Variants in PSMD1 observed in about 807,000 individuals in gnomAD.
The protein encoded by PSMD1 is proteasome 26S subunit, non-ATPase 1, also known as 26S proteasome non-ATPase regulatory subunit 1.
PSMD1 carries 18 observed loss-of-function variants against 119.0 expected under a neutral mutation model. The ratio of observed to expected loss-of-function variants is 0.15; its 90% CI spans 0.10 to 0.22. The LOEUF is 0.22. Ranked by LOEUF, PSMD1 falls within the 10% of genes least tolerant of loss-of-function variation. The pLI is 1.00. For synonymous variants in PSMD1, 374 were observed against 396.6 expected (o/e 0.94, Z 0.68); for missense variants, 702 against 1,158.5 (o/e 0.61, Z 5.72).
intron 16 of PSMD1, among the ~76,000 whole-genome samples, chr2:231,088,617 A>G (rs1158364567): frequency 2.0e-5 from 3 of 152,160 alleles, no homozygotes; most frequent in Non-Finnish European, 4.4e-5. Context: ...CACCCATGTA[A>G]AACAGCAAAC....
chr2:231,165,961 G>A lies in PSMD1; in HGVS notation c.2659G>A (p.Ala887Thr), dbSNP rs1376612679. The A allele has an allele frequency of 6.2e-7, 1 of 1,613,908 alleles. No individual in the cohort carries two copies. The highest frequency in any genetic ancestry group is 2.2e-5 in the East Asian group (1 of 44,890). The change falls in exon 23 of 25, where the codon GCC becomes ACC. Residue 887 changes from alanine to threonine, a missense_variant. By Grantham distance (58) the Ala-to-Thr change is moderately conservative. Transcript: ENST00000308696. ...LLDNPARVMP[A>T]QLKVLTMPET... The stretch of plus-strand genomic sequence containing the variant: ...GGATAACCCAGCCCGAGTTATGCCT[G>A]CCCAGCTTAAGGTCCTAACCATGCC...
At position 231,062,237 on chromosome 2, in the gene PSMD1, A is replaced by G. The variant is rs367961865; in HGVS notation, c.61-11A>G. 3 of 1,602,746 alleles carry G rather than the reference A, an allele frequency of 1.9e-6. No homozygotes were observed. The highest frequency in any genetic ancestry group is 2.6e-6 in the Non-Finnish European group (3 of 1,170,858). ...TCTATCTCAAAATAGGATTTTGGTT[A>G]TCTTTTACAGGAATTTGCACTACAC... On this transcript the variant is annotated splice_polypyrimidine_tract_variant and intron_variant, in intron 2 of 24. Transcript: ENST00000308696.
intron 16 of PSMD1, among the ~76,000 whole-genome samples, chr2:231,104,059 A>G (rs1694927049): frequency 6.6e-6 from 1 of 151,600 alleles, no homozygotes; most frequent in African/African-American, 2.4e-5. Context: ...TGTGTAAAGC[A>G]TCCTACTCAT....
At chr2:231,163,474 TA>T in intron 20 of PSMD1, 160 bp from the exon 21 acceptor site, 2 of 545,396 alleles carry the variant, frequency 3.7e-6, no homozygotes, top group South Asian at 6.1e-5. Context: ...GTAAAGAACC[TA>T]AAAACTAAAT....
chr2:231,066,967 A>T lies in PSMD1; in HGVS notation c.366A>T (p.Glu122Asp). ...CVENADLPEG[E>D]KKPIDQRLEG... ...AAAATGCAGATTTGCCTGAAGGAGA[A>T]AAAAAACCAATTGACCAGAGATTGG... The change falls in exon 5 of 25, where the codon GAA becomes GAT. Residue 122 changes from glutamate to aspartate, a missense_variant. Glu to Asp is a conservative substitution (Grantham distance 45, BLOSUM62 2). Coordinates refer to ENST00000308696, the MANE Select transcript of PSMD1 (RefSeq NM_002807.4). The T allele has an allele frequency of 1.2e-6, 2 of 1,613,382 alleles. No homozygotes were observed. Among genetic ancestry groups the T allele is most frequent in the South Asian group, 2.2e-5 (2 of 90,890 alleles).
At chr2:231,138,944 G>A (rs1320047924) in intron 17 of PSMD1, 94 bp downstream of exon 17, 2 of 909,960 alleles carry the variant, frequency 2.2e-6, no homozygotes, top group African/African-American at 3.3e-5. Context: ...AAATACAAGT[G>A]CAATGTGATC....
At chr2:231,077,974 TAAAC>T (rs1292422089) in intron 9 of PSMD1, among the ~76,000 whole-genome samples, 1 of 152,136 alleles carries the variant, frequency 6.6e-6, no homozygotes, top group African/African-American at 2.4e-5. Context: ...TCATTAAAAA[TAAAC>T]AAAATTTGAC....
intron 5 of PSMD1, among the ~76,000 whole-genome samples, chr2:231,068,006 G>T (rs1693947864): frequency 6.6e-6 from 1 of 152,038 alleles, no homozygotes; most frequent in Non-Finnish European, 1.5e-5. Context: ...CCAAAACTTA[G>T]CTCAACTATC....
At chr2:231,066,876 A>G in intron 4 of PSMD1, 30 bp from the exon 5 acceptor site, 3 of 1,528,616 alleles carry the variant, frequency 2.0e-6, no homozygotes, top group Non-Finnish European at 2.6e-6. Flanking sequence ...CCAATTTACA[A>G]GATAATCAGT....
intron 24 of PSMD1, among the ~76,000 whole-genome samples, chr2:231,171,166 C>T (rs984035649): frequency 6.6e-6 from 1 of 152,208 alleles, no homozygotes; most frequent in African/African-American, 2.4e-5. Context: ...TTTTGAGTAG[C>T]ACAAATATAG....
chr2:231,133,580 G>A (rs1695898797), intron 16 of PSMD1: 1 of 152,150 alleles, frequency 6.6e-6, no homozygotes. Flanking sequence ...AAATTTGATT[G>A]CATAATTTAT....
intron 16 of PSMD1, chr2:231,123,427 A>C: frequency 6.2e-7 from 1 of 1,613,480 alleles, no homozygotes; most frequent in East Asian, 2.2e-5. Flanking sequence ...CATTATTGTC[A>C]AGAGGGCAAT....
intron 23 of PSMD1, among the ~76,000 whole-genome samples, chr2:231,169,541 G>A (rs1040573507): frequency 2.0e-5 from 3 of 152,282 alleles, no homozygotes; most frequent in Non-Finnish European, 2.9e-5. Context: ...CGGAGTTCAC[G>A]AAGCACACCA....
chr2:231,072,822 C>T (rs1694072132), intron 7 of PSMD1, among the ~76,000 whole-genome samples: 2 of 152,104 alleles, frequency 1.3e-5, no homozygotes, highest in African/African-American at 4.8e-5. Context: ...ACACAAATTT[C>T]TATAGTATTA....
intron 16 of PSMD1, among the ~76,000 whole-genome samples, chr2:231,135,606 C>A (rs1375609662): frequency 1.3e-5 from 2 of 152,100 alleles, no homozygotes; most frequent in Non-Finnish European, 2.9e-5. Flanking sequence ...GTTACTTGCT[C>A]ATCTGGTTTT....
At chr2:231,166,688 G>A (rs559618921) in intron 23 of PSMD1, among the ~76,000 whole-genome samples, 1 of 152,246 alleles carries the variant, frequency 6.6e-6, no homozygotes, top group African/African-American at 2.4e-5. Flanking sequence ...GATAACTAGA[G>A]CGCCATCAGT....
intron 17 of PSMD1, among the ~76,000 whole-genome samples, chr2:231,141,203 C>T (rs56410821): frequency 6.6e-6 from 1 of 151,124 alleles, no homozygotes; most frequent in Admixed American, 6.6e-5. Flanking sequence ...ACTCGGGAGG[C>T]TGAGGCAGAA....
chr2:231,077,162 G>A lies in PSMD1; in HGVS notation c.1071G>A (p.Lys357=). The change falls in exon 9 of 25, where the codon AAG becomes AAA. Residue 357 remains lysine (K), a splice_region_variant and synonymous_variant. Coordinates refer to ENST00000308696, the MANE Select transcript of PSMD1 (RefSeq NM_002807.4). ...NTDLMILKNT[K]DAVRNSVCHT... is the part of the protein sequence containing the mutation. Reference sequence around the variant, plus strand: ...ACCTCATGATTCTAAAAAACACAAAGGTAAGAAATTCATCAATAATAGAGG... The same window carrying A: ...ACCTCATGATTCTAAAAAACACAAAAGTAAGAAATTCATCAATAATAGAGG... 2 of 1,500,900 alleles carry A rather than the reference G, an allele frequency of 1.3e-6. No homozygotes were observed. Among genetic ancestry groups the A allele is most frequent in the Non-Finnish European group, 9.0e-7 (1 of 1,116,608 alleles). The allele number at this position is 1,500,900 out of a possible 1,614,324, so 93.0% of individuals were successfully genotyped here.
At position 231,083,815 on chromosome 2, in the gene PSMD1, CACTTA is replaced by C. The variant is rs768588557; in HGVS notation, c.1722+57_1722+61del. 6.5e-6 allele frequency: 10 copies of C among 1,535,132 alleles called. No homozygotes were observed. The South Asian group carries it at 1.1e-4, about 18-fold the overall frequency. On this transcript the variant is annotated intron_variant, in intron 14 of 24. Transcript: ENST00000308696. ...CCATTTATCTCCAGCATGTAAAAAA[CACTTA>C]ACTTCACTGGAAATTAACTCTGTTC...
Sources: allele counts gnomAD v4.1 joint callset (sites outside exome capture counted in the v4.1 genomes callset), GRCh38; gene constraint gnomAD v4.1.1; transcripts MANE v1.5; gene names NCBI Gene and HGNC (gene_info 2026-07-23, HGNC 2026-07-21).